The following ARHGAP42 variants were observed in gnomAD, a reference collection of about 807,000 sequenced individuals.
ARHGAP42 encodes Rho GTPase activating protein 42.
ARHGAP42 carries 63 observed loss-of-function variants against 125.0 expected under a neutral mutation model. The ratio of observed to expected loss-of-function variants is 0.50; its 90% CI spans 0.41 to 0.62. The LOEUF is 0.62. Among genes scored for constraint, ARHGAP42 ranks in the 20% least tolerant of loss-of-function variants. The pLI, the probability that ARHGAP42 is intolerant of heterozygous loss-of-function variation, is 0.00. For missense variants in ARHGAP42, 766 were observed against 1,024.2 expected (o/e 0.75, Z 3.44); for synonymous variants, 339 against 351.0 (o/e 0.97, Z 0.38).
chr11:100,797,022 C>T (rs1209513896), intron 3 of ARHGAP42, among the ~76,000 whole-genome samples: 1 of 152,174 alleles, frequency 6.6e-6, no homozygotes, highest in Non-Finnish European at 1.5e-5. Context: ...CTGCCTTGGC[C>T]TCCCAAAATG....
chr11:100,871,843 A>G (rs1456362367), intron 4 of ARHGAP42, among the ~76,000 whole-genome samples: 1 of 152,156 alleles, frequency 6.6e-6, no homozygotes, highest in Non-Finnish European at 1.5e-5. Flanking sequence ...TACCAGGTTC[A>G]AGCAACTCTC....
intron 8 of ARHGAP42, among the ~76,000 whole-genome samples, chr11:100,936,653 A>T (rs1279249368): frequency 2.0e-5 from 3 of 152,180 alleles, no homozygotes; most frequent in Non-Finnish European, 2.9e-5. Context: ...TACTGACATG[A>T]ATCATCCTGG....
intron 2 of ARHGAP42, among the ~76,000 whole-genome samples, chr11:100,781,026 C>G (rs574009190): frequency 2.0e-5 from 3 of 152,274 alleles, no homozygotes; most frequent in South Asian, 4.1e-4. Flanking sequence ...GATCATTTCT[C>G]AAAGTTCAGC....
chr11:100,856,251 T>C (rs73569787), intron 3 of ARHGAP42, among the ~76,000 whole-genome samples: 1,817 of 152,228 alleles, frequency 0.012, 43 homozygotes, highest in African/African-American at 0.041. Context: ...AATTCACATT[T>C]TAAATAAGGG....
chr11:100,687,397 C>A lies in ARHGAP42; in HGVS notation c.-282C>A, dbSNP rs925188953. ...CCGCGGCCCGGAGCCTCGCCGCCCCCGCGTTCCGAACGACGATGCGTCCAG... is the reference window on the plus strand; with the variant it reads ...CCGCGGCCCGGAGCCTCGCCGCCCCAGCGTTCCGAACGACGATGCGTCCAG... On this transcript the variant is annotated 5_prime_UTR_variant, in exon 1 of 24. Transcript: ENST00000298815. Among the ~76,000 whole-genome samples the A allele has an allele frequency of 6.6e-6, 1 of 152,018 alleles. No homozygotes were observed. Among genetic ancestry groups the A allele is most frequent in the African/African-American group, 2.4e-5 (1 of 41,418 alleles).
chr11:100,788,218 G>A (rs184964321), intron 2 of ARHGAP42, among the ~76,000 whole-genome samples: 1 of 152,258 alleles, frequency 6.6e-6, no homozygotes, highest in African/African-American at 2.4e-5. Flanking sequence ...TTGGCGATAG[G>A]ATATAATTAA....
intron 1 of ARHGAP42, among the ~76,000 whole-genome samples, chr11:100,764,709 T>A (rs748769132): frequency 7.2e-5 from 11 of 152,144 alleles, no homozygotes; most frequent in Non-Finnish European, 1.0e-4. Context: ...GTAAAAGACA[T>A]CCAGGGGCTT....
chr11:100,732,276 A>G (rs1359180085), intron 1 of ARHGAP42, among the ~76,000 whole-genome samples: 1 of 152,100 alleles, frequency 6.6e-6, no homozygotes, highest in Non-Finnish European at 1.5e-5. Context: ...TTTTTCAACC[A>G]GAATGTGAGC....
chr11:100,932,496 A>T (rs559456460), intron 6 of ARHGAP42, among the ~76,000 whole-genome samples: 1 of 152,306 alleles, frequency 6.6e-6, no homozygotes, highest in African/African-American at 2.4e-5. Context: ...GGATAAAAAC[A>T]TAAATACACA....
intron 4 of ARHGAP42, among the ~76,000 whole-genome samples, chr11:100,906,594 A>T (rs1237969171): frequency 6.6e-6 from 1 of 150,836 alleles, no homozygotes; most frequent in East Asian, 1.9e-4. Flanking sequence ...AAAAAAATTC[A>T]TTCTGGAAAT....
chr11:100,968,550 T>G (rs1858158003), intron 17 of ARHGAP42, among the ~76,000 whole-genome samples: 1 of 152,186 alleles, frequency 6.6e-6, no homozygotes, highest in Non-Finnish European at 1.5e-5. Flanking sequence ...TCTATATATG[T>G]TATATCCCAA....
At chr11:100,889,617 C>T (rs1264125083) in intron 4 of ARHGAP42, among the ~76,000 whole-genome samples, 1 of 152,160 alleles carries the variant, frequency 6.6e-6, no homozygotes, top group East Asian at 1.9e-4. Context: ...CCCATCTTAG[C>T]ACATTTAATA....
At chr11:100,713,027 T>G (rs1861590673) in intron 1 of ARHGAP42, among the ~76,000 whole-genome samples, 1 of 152,224 alleles carries the variant, frequency 6.6e-6, no homozygotes, top group South Asian at 2.1e-4. Flanking sequence ...GTTGTCTTAC[T>G]TGGTTGTGGT....
intron 1 of ARHGAP42, among the ~76,000 whole-genome samples, chr11:100,765,892 A>G (rs1862817923): frequency 6.6e-6 from 1 of 152,190 alleles, no homozygotes; most frequent in African/African-American, 2.4e-5. Context: ...TGACATAAAT[A>G]TATATAGCCC....
intron 6 of ARHGAP42, among the ~76,000 whole-genome samples, chr11:100,922,075 A>C (rs541802575): frequency 2.0e-5 from 3 of 152,154 alleles, no homozygotes; most frequent in Non-Finnish European, 4.4e-5. Context: ...CTGCTCCAAA[A>C]ATAAAGTGTA....
rs550659686 is a variant in ARHGAP42, at chr11:100,707,633, G to T, written c.154+19801G>T. Among the ~76,000 whole-genome samples the T allele has an allele frequency of 3.3e-5, 5 of 152,306 alleles. No homozygotes were observed. In the East Asian group the frequency reaches 9.6e-4, roughly 29 times the overall value. ...AAGAAGATGCAAAGAACAGTGTTGA[G>T]CAAGGACGAAAGAGGTGAAGGAGAA... On this transcript the variant is annotated intron_variant, in intron 1 of 23. Transcript: ENST00000298815.
At chr11:100,946,052 C>G (rs1223016400) in intron 10 of ARHGAP42, among the ~76,000 whole-genome samples, 1 of 152,110 alleles carries the variant, frequency 6.6e-6, no homozygotes, top group Non-Finnish European at 1.5e-5. Flanking sequence ...TTCTGTATAA[C>G]TTGCTGCAGC....
chr11:100,757,090 G>T (rs1325673547), intron 1 of ARHGAP42, among the ~76,000 whole-genome samples: 1 of 152,042 alleles, frequency 6.6e-6, no homozygotes, highest in African/African-American at 2.4e-5. Context: ...ATAGTTACGT[G>T]GTGAGAATAT....
At chr11:100,733,776 G>C (rs550186849) in intron 1 of ARHGAP42, among the ~76,000 whole-genome samples, 2 of 124,952 alleles carry the variant, frequency 1.6e-5, no homozygotes, top group East Asian at 5.7e-4. Context: ...AGTGAGTGGA[G>C]ACTGTGCCAC....
Sources: allele counts gnomAD v4.1 joint callset (sites outside exome capture counted in the v4.1 genomes callset), GRCh38; gene constraint gnomAD v4.1.1; transcripts MANE v1.5; gene names NCBI Gene and HGNC (gene_info 2026-07-23, HGNC 2026-07-21).